MSH4: variants seen among roughly 807,000 people sequenced by gnomAD.
MSH4 encodes the protein mutS protein homolog 4.
A neutral mutation model predicts 113.7 loss-of-function variants in MSH4; 106 were observed. That is an observed-to-expected ratio of 0.93 (90% CI 0.80 to 1.10). The LOEUF is 1.10. Ranked by LOEUF, MSH4 falls within the 50% of genes least tolerant of loss-of-function variation. The probability of loss-of-function intolerance (pLI) is 0.00; values close to 1 mark genes in which losing one functional copy is unlikely to be tolerated. For missense variants in MSH4, 1,061 were observed against 1,093.7 expected (o/e 0.97, Z 0.42); for synonymous variants, 368 against 380.2 (o/e 0.97, Z 0.37).
At chr1:75,902,797 T>TA (rs551273499) in intron 19 of MSH4, among the ~76,000 whole-genome samples, 1 of 140,218 alleles carries the variant, frequency 7.1e-6, no homozygotes, top group South Asian at 2.3e-4. Context: ...CCACCACCTG[T>TA]TGGCTATTTG....
At chr1:75,901,674 A>C (rs1270540056) in intron 19 of MSH4, among the ~76,000 whole-genome samples, 1 of 152,144 alleles carries the variant, frequency 6.6e-6, no homozygotes, top group East Asian at 1.9e-4. Flanking sequence ...ATAGATGCCC[A>C]GCAGTAGGAC....
chr1:75,901,124 A>T (rs1184013060), intron 19 of MSH4, among the ~76,000 whole-genome samples: 1 of 152,096 alleles, frequency 6.6e-6, no homozygotes, highest in Non-Finnish European at 1.5e-5. Flanking sequence ...GGTAGTTGGG[A>T]TAGCCATCAC....
At chr1:75,879,209 T>G in intron 12 of MSH4, 81 bp downstream of exon 12, 1 of 1,342,418 alleles carries the variant, frequency 7.4e-7, no homozygotes, top group Non-Finnish European at 1.0e-6. Context: ...TTCTTGAGTT[T>G]TGCAAGCCAA....
chr1:75,817,396 T>A (rs999949660), intron 6 of MSH4, among the ~76,000 whole-genome samples: 3 of 152,152 alleles, frequency 2.0e-5, no homozygotes, highest in African/African-American at 7.2e-5. Flanking sequence ...TTCTATGATA[T>A]CCTATGTTAT....
chr1:75,906,821 A>G (rs61770551), intron 19 of MSH4, among the ~76,000 whole-genome samples: 8,793 of 148,560 alleles, frequency 0.059, 364 homozygotes, highest in Middle Eastern at 0.1. Flanking sequence ...CTATTTTCAT[A>G]AACGTGTCTT....
At chr1:75,882,993 T>A (rs1651969118) in intron 14 of MSH4, among the ~76,000 whole-genome samples, 1 of 151,986 alleles carries the variant, frequency 6.6e-6, no homozygotes, top group African/African-American at 2.4e-5. Context: ...AGTACTTGGT[T>A]CTTTTTTATT....
chr1:75,806,592 G>A (rs539291795), intron 2 of MSH4, among the ~76,000 whole-genome samples: 7 of 151,974 alleles, frequency 4.6e-5, no homozygotes, highest in Admixed American at 2.0e-4. Flanking sequence ...AACTCTGATG[G>A]GTCATTATGT....
rs922434432 is a variant in MSH4, at chr1:75,890,600, T to C, written c.2227-96T>C. The C allele has an allele frequency of 8.4e-6, 5 of 594,454 alleles. No homozygotes were observed. The Admixed American group carries it at 1.8e-4, about 22-fold the overall frequency. The allele number at this position is 594,454 out of a possible 1,614,324, so 36.8% of individuals were successfully genotyped here. A position where few individuals can be genotyped will look rare whatever the true frequency, so the allele number is the denominator to read the frequency against. ...GATGTCTCTAAGAATACATTTCAGA[T>C]GAACTTATAAAGAGACTGGGTTTCT... On this transcript the variant is annotated intron_variant, in intron 16 of 19. Transcript: ENST00000263187.
chr1:75,800,818 C>T (rs1649918167), intron 1 of MSH4, among the ~76,000 whole-genome samples: 1 of 152,094 alleles, frequency 6.6e-6, no homozygotes, highest in African/African-American at 2.4e-5. Flanking sequence ...ATATAGTGAC[C>T]TGGAGCTACA....
intron 8 of MSH4, among the ~76,000 whole-genome samples, chr1:75,864,110 A>G (rs1471459977): frequency 6.6e-6 from 1 of 152,170 alleles, no homozygotes; most frequent in Non-Finnish European, 1.5e-5. Flanking sequence ...ATATAAAGGG[A>G]TTATTCAATG....
chr1:75,827,001 T>C (rs10873726), intron 7 of MSH4, among the ~76,000 whole-genome samples: 145,485 of 152,252 alleles, frequency 0.96, 69,873 homozygotes, highest in East Asian at 1. Context: ...GGTTCAAGTC[T>C]TGAATATCCT....
Position 75,890,812 on chromosome 1 carries a change from A to G in MSH4, c.2343A>G (p.Leu781=). 6.3e-7 allele frequency: 1 copy of G among 1,581,160 alleles called. No homozygotes were observed. The highest frequency in any genetic ancestry group is 8.7e-7 in the Non-Finnish European group (1 of 1,153,136). The change falls in exon 17 of 20, where the codon CTA becomes CTG. Residue 781 remains leucine, a synonymous_variant. Coordinates refer to ENST00000263187, the MANE Select transcript of MSH4 (RefSeq NM_002440.4). The part of the protein sequence containing the change: ...IGICYAVCEY[L]LSLKAFTLFA... ...TTTGTTATGCTGTTTGTGAATATCT[A>G]CTGAGCTTAAAGGTATTCTTTTATT...
chr1:75,801,817 C>T (rs955901147), intron 1 of MSH4, among the ~76,000 whole-genome samples: 2 of 152,044 alleles, frequency 1.3e-5, no homozygotes, highest in African/African-American at 4.8e-5. Context: ...CTGCAGTGAG[C>T]TGTGATCACA....
At chr1:75,891,135 G>T (rs1652243541) in intron 17 of MSH4, among the ~76,000 whole-genome samples, 1 of 152,120 alleles carries the variant, frequency 6.6e-6, no homozygotes, top group Admixed American at 6.5e-5. Flanking sequence ...CATGTGCAAT[G>T]ATGTTGACTA....
chr1:75,896,230 G>C (rs987107784), intron 17 of MSH4, among the ~76,000 whole-genome samples: 3 of 152,006 alleles, frequency 2.0e-5, no homozygotes, highest in African/African-American at 7.3e-5. Flanking sequence ...ATTTGGACTG[G>C]AGTTATTCCA....
intron 8 of MSH4, among the ~76,000 whole-genome samples, chr1:75,861,970 A>G (rs1231074236): frequency 2.0e-5 from 3 of 151,780 alleles, no homozygotes; most frequent in Non-Finnish European, 4.4e-5. Context: ...TGTGTATAGA[A>G]CCACCTACTC....
intron 19 of MSH4, among the ~76,000 whole-genome samples, chr1:75,903,075 T>C (rs562344907): frequency 6.6e-6 from 1 of 151,894 alleles, no homozygotes; most frequent in East Asian, 1.9e-4. Flanking sequence ...GTATTTTTGC[T>C]TTTATTGCCT....
At position 75,898,479 on chromosome 1, in the gene MSH4, TA is replaced by T. The variant is rs375744035; in HGVS notation, c.2530+402del. Among the ~76,000 whole-genome samples the T allele has an allele frequency of 5.6e-3, 858 of 151,972 alleles. 11 individuals carry two copies. Among genetic ancestry groups the T allele is most frequent in the African/African-American group, 0.02 (813 of 41,464 alleles). Reference sequence around the variant, plus strand: ...GTTCTGGGTACTTGAAAATTAAATCTAAAATCTTAAATCTTAAAAGAGAATG... The same window carrying T: ...GTTCTGGGTACTTGAAAATTAAATCTAAATCTTAAATCTTAAAAGAGAATG... On this transcript the variant is annotated intron_variant, in intron 18 of 19. Coordinates refer to ENST00000263187, the MANE Select transcript of MSH4 (RefSeq NM_002440.4).
chr1:75,867,410 AAAATATATGGGATATGGAAAGAGT>A, intron 8 of MSH4, 80 bp from the exon 9 acceptor site: 2 of 689,476 alleles, frequency 2.9e-6, no homozygotes, highest in African/African-American at 4.4e-5. Context: ...CTGATATATA[AAAATATATGGGATATGGAAAGAGT>A]AAGAATGTTC....
Sources: allele counts gnomAD v4.1 joint callset (sites outside exome capture counted in the v4.1 genomes callset), GRCh38; gene constraint gnomAD v4.1.1; transcripts MANE v1.5; gene names NCBI Gene and HGNC (gene_info 2026-07-23, HGNC 2026-07-21).